Variants in MRTFA observed in about 807,000 individuals in gnomAD.
MRTFA encodes the protein myocardin-related transcription factor A.
In MRTFA, 20 loss-of-function variants were observed where a neutral mutation model predicts 83.5. The ratio of observed to expected loss-of-function variants is 0.24; its 90% confidence interval spans 0.17 to 0.35. The LOEUF (loss-of-function observed/expected upper bound fraction) is 0.35, where lower values mean the gene tolerates loss of function less well. MRTFA is among the 10% of genes least tolerant of loss of function. The pLI is 1.00. For missense variants in MRTFA, 1,200 were observed against 1,224.7 expected (o/e 0.98, Z 0.30); for synonymous variants, 659 against 541.2 (o/e 1.22, Z -3.02).
intron 1 of MRTFA, among the ~76,000 whole-genome samples, chr22:40,603,107 A>C (rs1298728307): frequency 6.6e-6 from 1 of 152,172 alleles, no homozygotes. Context: ...AATAAAACTA[A>C]CTATAATCAC....
intron 3 of MRTFA, among the ~76,000 whole-genome samples, chr22:40,542,209 C>T (rs180855600): frequency 1.3e-5 from 2 of 152,256 alleles, no homozygotes; most frequent in East Asian, 1.9e-4. Flanking sequence ...CCTCCTCCCA[C>T]CCCCTACCCC....
chr22:40,538,985 C>CTTTTTTTTTTTTTT lies in MRTFA; in HGVS notation c.241+13120_241+13121insAAAAAAAAAAAAAA, dbSNP rs201694198. 7.5e-5 allele frequency among the ~76,000 whole-genome samples: 8 copies of CTTTTTTTTTTTTTT among 106,886 alleles called. 3 individuals are homozygous for CTTTTTTTTTTTTTT. Among genetic ancestry groups the CTTTTTTTTTTTTTT allele is most frequent in the African/African-American group, 1.5e-4 (4 of 26,248 alleles). 70.1% of individuals were successfully genotyped at this position (106,886 alleles called of 152,430 possible). ...GACATTATACTGCAGGATACACAGC[C>CTTTTTTTTTTTTTT]TTTTGTTTTTTTTTTTTTTTTTTTT... On this transcript the variant is annotated intron_variant, in intron 3 of 14. Transcript: ENST00000355630.
chr22:40,633,844 C>A (rs1019902174), intron 1 of MRTFA, among the ~76,000 whole-genome samples: 1 of 152,016 alleles, frequency 6.6e-6, no homozygotes, highest in South Asian at 2.1e-4. Flanking sequence ...AACTTTCTAA[C>A]CTCTTTCATA....
intron 3 of MRTFA, among the ~76,000 whole-genome samples, chr22:40,486,322 C>A (rs745735167): frequency 6.6e-6 from 1 of 152,224 alleles, no homozygotes; most frequent in Non-Finnish European, 1.5e-5. Flanking sequence ...ATTAAGACTG[C>A]AACTTTCTTT....
chr22:40,565,937 A>T (rs1330899632), intron 2 of MRTFA, among the ~76,000 whole-genome samples: 4 of 152,168 alleles, frequency 2.6e-5, no homozygotes, highest in Non-Finnish European at 4.4e-5. Flanking sequence ...ATAATTTTTT[A>T]CAGTTGAGGA....
chr22:40,427,368 G>T (rs781338349), intron 7 of MRTFA, among the ~76,000 whole-genome samples: 5 of 152,208 alleles, frequency 3.3e-5, no homozygotes, highest in Non-Finnish European at 5.9e-5. Flanking sequence ...TGCAGAGGAG[G>T]CCCTAGAAAC....
intron 2 of MRTFA, among the ~76,000 whole-genome samples, chr22:40,580,898 C>T (rs2055937620): frequency 1.3e-5 from 2 of 152,146 alleles, no homozygotes; most frequent in African/African-American, 2.4e-5. Flanking sequence ...GTAGCTGGGA[C>T]TGTAGGCATG....
intron 3 of MRTFA, among the ~76,000 whole-genome samples, chr22:40,493,189 C>G (rs2054297624): frequency 6.6e-6 from 1 of 152,184 alleles, no homozygotes; most frequent in Non-Finnish European, 1.5e-5. Flanking sequence ...ATTATGAAAA[C>G]AAAGGCCACC....
At position 40,475,915 on chromosome 22, in the gene MRTFA, C is replaced by T. The variant is rs576236743; in HGVS notation, c.242-12629G>A. 4.0e-4 allele frequency among the ~76,000 whole-genome samples: 61 copies of T among 152,216 alleles called. No homozygotes were observed. In the South Asian group the frequency reaches 0.012, roughly 30 times the overall value. On this transcript the variant is annotated intron_variant, in intron 3 of 14. Transcript: ENST00000355630. The stretch of plus-strand genomic sequence containing the variant: ...TTCCCAGCACTTCGGGAGGCCGAGG[C>T]GGGTGGATCACGAGGTCAGGAGATT...
At chr22:40,546,757 C>T (rs532626610) in intron 3 of MRTFA, among the ~76,000 whole-genome samples, 1 of 152,348 alleles carries the variant, frequency 6.6e-6, no homozygotes, top group South Asian at 2.1e-4. Context: ...CGAAGATACA[C>T]AAACACCTTG....
chr22:40,513,392 G>A (rs1432793901), intron 3 of MRTFA, among the ~76,000 whole-genome samples: 1 of 152,112 alleles, frequency 6.6e-6, no homozygotes, highest in Non-Finnish European at 1.5e-5. Context: ...CCTGAGATCA[G>A]GAGTTCGAGA....
chr22:40,435,571 C>T lies in MRTFA; in HGVS notation c.308-17G>A, dbSNP rs376203003. On this transcript the variant is annotated splice_polypyrimidine_tract_variant and intron_variant, in intron 4 of 14. Transcript: ENST00000355630. ...TTTTCAAAGCTGTTGAGAGAAGAAC[C>T]GTAAAGATTACCTTCAAGCGAAGCA... 38 of 1,613,668 alleles carry T rather than the reference C, an allele frequency of 2.4e-5. No individual in the cohort carries two copies. The highest frequency in any genetic ancestry group is 1.2e-4 in the South Asian group (11 of 91,070).
In MRTFA at chr22:40,519,385, T is replaced by G. The variant is rs142416672; in HGVS notation, c.241+32721A>C. ...TCAAACCTTGGAGGGTTTTGTGTAATATTTCATTTAGTCAGCTCACTTCTT... is the reference window on the plus strand; with the variant it reads ...TCAAACCTTGGAGGGTTTTGTGTAAGATTTCATTTAGTCAGCTCACTTCTT... On this transcript the variant is annotated intron_variant, in intron 3 of 14. Coordinates refer to ENST00000355630, the MANE Select transcript of MRTFA (RefSeq NM_020831.6). 6.4e-4 allele frequency: 831 copies of G among 1,297,892 alleles called. 1 individual carries two copies. In the African/African-American group the frequency reaches 0.011, roughly 17 times the overall value. 80.4% of individuals were successfully genotyped at this position (1,297,892 alleles called of 1,614,324 possible). A position where few individuals can be genotyped will look rare whatever the true frequency, so the allele number is the denominator to read the frequency against.
chr22:40,617,602 CTGTAG>C (rs975993610), intron 1 of MRTFA, among the ~76,000 whole-genome samples: 15 of 151,914 alleles, frequency 9.9e-5, no homozygotes, highest in African/African-American at 3.4e-4. Flanking sequence ...TGGCGGGCGC[CTGTAG>C]TCCCAGCTAC....
chr22:40,417,121 C>G, intron 13 of MRTFA, 75 bp from the exon 14 acceptor site: 1 of 1,484,826 alleles, frequency 6.7e-7, no homozygotes, highest in Non-Finnish European at 9.1e-7. Context: ...ACGAATGAGG[C>G]CCCTCCCTCT....
At chr22:40,435,012 T>C (rs2053140911) in intron 5 of MRTFA, among the ~76,000 whole-genome samples, 2 of 151,996 alleles carry the variant, frequency 1.3e-5, no homozygotes, top group African/African-American at 4.8e-5. Flanking sequence ...AAGAGTCAAG[T>C]GGATACCACC....
chr22:40,541,635 G>A (rs369508645), intron 3 of MRTFA, among the ~76,000 whole-genome samples: 1 of 152,072 alleles, frequency 6.6e-6, no homozygotes, highest in East Asian at 1.9e-4. Context: ...CTTAGACCCA[G>A]GATAGCTGAT....
intron 3 of MRTFA, among the ~76,000 whole-genome samples, chr22:40,465,428 G>A (rs191982430): frequency 4.6e-5 from 7 of 152,308 alleles, no homozygotes; most frequent in Admixed American, 1.3e-4. Flanking sequence ...AAGCCTTGGA[G>A]AACTAAATCG....
intron 3 of MRTFA, among the ~76,000 whole-genome samples, chr22:40,483,294 G>A (rs1423226211): frequency 1.3e-5 from 2 of 151,870 alleles, no homozygotes; most frequent in African/African-American, 2.4e-5. Flanking sequence ...CAAACTCCTG[G>A]TCTCAAGCAA....
Sources: gnomAD v4.1 joint callset for allele counts (sites outside exome capture counted in the v4.1 genomes callset) on GRCh38, gnomAD v4.1.1 for gene constraint, MANE v1.5 for transcripts, NCBI Gene and HGNC (gene_info 2026-07-23, HGNC 2026-07-21) for gene names.